PRR16: variants seen among roughly 807,000 people sequenced by gnomAD.
The protein encoded by PRR16 is proline rich 16, also known as protein Largen.
Under a neutral mutation model 18.2 loss-of-function variants are expected in PRR16, and 6 were observed. That is an observed-to-expected ratio of 0.33 (90% CI 0.18 to 0.65). The LOEUF is 0.65. Ranked by LOEUF, PRR16 falls within the 30% of genes least tolerant of loss-of-function variation. The pLI is 0.74. For synonymous variants in PRR16, 151 were observed against 147.8 expected (o/e 1.02, Z -0.16); for missense variants, 412 against 376.6 (o/e 1.09, Z -0.78).
At chr5:120,470,138 A>G (rs200820903) in intron 1 of PRR16, among the ~76,000 whole-genome samples, 1 of 152,172 alleles carries the variant, frequency 6.6e-6, no homozygotes, top group Non-Finnish European at 1.5e-5. Context: ...TTCTGTAGAG[A>G]TAGTTCTTGA....
the PRR16 span, among the ~76,000 whole-genome samples, chr5:120,740,252 G>T: frequency 1.3e-5 from 2 of 152,100 alleles, no homozygotes; most frequent in African/African-American, 4.8e-5. Flanking sequence ...ATTTCATGCA[G>T]CTGTATGGTG....
intron 1 of PRR16, among the ~76,000 whole-genome samples, chr5:120,568,347 T>C (rs1752799864): frequency 6.6e-6 from 1 of 152,160 alleles, no homozygotes; most frequent in Non-Finnish European, 1.5e-5. Flanking sequence ...AATAAGTCTG[T>C]GCAGCTAGTG....
At chr5:120,766,545 T>G in the PRR16 span, among the ~76,000 whole-genome samples, 1 of 151,994 alleles carries the variant, frequency 6.6e-6, no homozygotes, top group Non-Finnish European at 1.5e-5. Flanking sequence ...GTTTTCATTA[T>G]CAAAGTGGTG....
chr5:120,699,715 A>T, the PRR16 span, among the ~76,000 whole-genome samples: 1 of 152,116 alleles, frequency 6.6e-6, no homozygotes, highest in Non-Finnish European at 1.5e-5. Flanking sequence ...AGTAAGGTCA[A>T]GTTGGACAGA....
chr5:120,709,140 T>C, the PRR16 span, among the ~76,000 whole-genome samples: 7 of 151,322 alleles, frequency 4.6e-5, no homozygotes, highest in African/African-American at 1.5e-4. Context: ...CCTGAGTAGC[T>C]GGGACTACAG....
intron 1 of PRR16, among the ~76,000 whole-genome samples, chr5:120,491,061 C>G (rs1750018767): frequency 6.6e-6 from 1 of 152,160 alleles, no homozygotes; most frequent in African/African-American, 2.4e-5. Flanking sequence ...CAGTCTGCCC[C>G]TACTGGGGGG....
intron 1 of PRR16, among the ~76,000 whole-genome samples, chr5:120,633,320 A>G (rs1055221034): frequency 6.6e-6 from 1 of 152,152 alleles, no homozygotes; most frequent in Non-Finnish European, 1.5e-5. Context: ...AAAAAGAACC[A>G]ATGTATTCAG....
the PRR16 span, among the ~76,000 whole-genome samples, chr5:120,716,199 C>G: frequency 6.6e-6 from 1 of 152,110 alleles, no homozygotes; most frequent in Admixed American, 6.6e-5. Context: ...TTTGTCAAAC[C>G]CTTTTCCAAA....
At chr5:120,615,264 C>A (rs567882764) in intron 1 of PRR16, among the ~76,000 whole-genome samples, 56 of 152,152 alleles carry the variant, frequency 3.7e-4, no homozygotes, top group Middle Eastern at 3.4e-3. Flanking sequence ...ATTATAGAAA[C>A]CACACTTCTA....
chr5:120,479,636 G>C (rs888623943), intron 1 of PRR16, among the ~76,000 whole-genome samples: 4 of 151,792 alleles, frequency 2.6e-5, no homozygotes, highest in Non-Finnish European at 4.4e-5. Flanking sequence ...TATACTATTG[G>C]CATTTAATAT....
intron 1 of PRR16, among the ~76,000 whole-genome samples, chr5:120,493,890 T>C (rs1179230443): frequency 6.6e-6 from 1 of 152,108 alleles, no homozygotes; most frequent in Non-Finnish European, 1.5e-5. Flanking sequence ...TGCTAACCCA[T>C]TTTCCATGGT....
intron 1 of PRR16, among the ~76,000 whole-genome samples, chr5:120,501,317 T>C (rs1459264733): frequency 6.6e-6 from 1 of 152,130 alleles, no homozygotes; most frequent in African/African-American, 2.4e-5. Context: ...TGGAATATTA[T>C]TGGAAAAGAG....
At chr5:120,649,027 A>G (rs569838871) in intron 1 of PRR16, among the ~76,000 whole-genome samples, 1 of 152,236 alleles carries the variant, frequency 6.6e-6, no homozygotes, top group South Asian at 2.1e-4. Context: ...TTGTGAGTTT[A>G]TATAGTTTAA....
intron 1 of PRR16, chr5:120,616,962 A>T (rs1020022926): frequency 5.9e-5 from 12 of 202,148 alleles, no homozygotes; most frequent in Non-Finnish European, 9.7e-5. Flanking sequence ...AATTTCCATC[A>T]GTATATCCTA....
intron 1 of PRR16, among the ~76,000 whole-genome samples, chr5:120,668,676 C>T (rs1432508578): frequency 1.3e-5 from 2 of 152,060 alleles, no homozygotes; most frequent in Admixed American, 6.6e-5. Flanking sequence ...TCAGCATTTG[C>T]TTGTCTGTAA....
intron 1 of PRR16, among the ~76,000 whole-genome samples, chr5:120,493,879 T>C (rs1198052085): frequency 6.6e-6 from 1 of 152,136 alleles, no homozygotes; most frequent in Non-Finnish European, 1.5e-5. Context: ...ATTCTTTTTT[T>C]TGCTAACCCA....
intron 1 of PRR16, among the ~76,000 whole-genome samples, chr5:120,551,033 C>T (rs1752238708): frequency 6.6e-6 from 1 of 151,860 alleles, no homozygotes; most frequent in Non-Finnish European, 1.5e-5. Context: ...ACATAGTTAA[C>T]TTTGTGTGTG....
intron 1 of PRR16, among the ~76,000 whole-genome samples, chr5:120,513,155 T>C (rs1750882937): frequency 6.6e-6 from 1 of 152,188 alleles, no homozygotes; most frequent in African/African-American, 2.4e-5. Context: ...CGGTTGTGGC[T>C]GGTTTCTTCT....
In PRR16 at chr5:120,578,614, A is replaced by G. The variant is rs112374667; in HGVS notation, c.160-107340A>G. On this transcript the variant is annotated intron_variant, in intron 1 of 1. Transcript: ENST00000407149. ...ATGGCTACATAGTATTCCATGATGT[A>G]TATGTACCACATTTTCTTTATCCAG... is the stretch of plus-strand genomic sequence containing the variant. Among the ~76,000 whole-genome samples, 927 of 152,302 alleles carry G rather than the reference A, an allele frequency of 6.1e-3. 13 individuals are homozygous for G. Among genetic ancestry groups the G allele is most frequent in the African/African-American group, 0.021 (862 of 41,570 alleles).
Sources: allele counts gnomAD v4.1 joint callset (sites outside exome capture counted in the v4.1 genomes callset), GRCh38; gene constraint gnomAD v4.1.1; transcripts MANE v1.5; gene names NCBI Gene and HGNC (gene_info 2026-07-23, HGNC 2026-07-21).